TMEM117: variants seen among roughly 807,000 people sequenced by gnomAD.
The protein encoded by TMEM117 is transmembrane protein 117.
In TMEM117, 27 loss-of-function variants were observed where a neutral mutation model predicts 52.4. That is an observed-to-expected ratio of 0.51 (90% CI 0.38 to 0.71). The LOEUF (loss-of-function observed/expected upper bound fraction) is 0.71. Among genes scored for constraint, TMEM117 ranks in the 30% least tolerant of loss-of-function variants. The pLI, the probability that TMEM117 is intolerant of heterozygous loss-of-function variation, is 0.00. For missense variants in TMEM117, 556 were observed against 630.5 expected (o/e 0.88, Z 1.26); for synonymous variants, 215 against 206.3 (o/e 1.04, Z -0.36).
At chr12:44,297,106 C>G (rs1027129748) in intron 5 of TMEM117, among the ~76,000 whole-genome samples, 5 of 152,194 alleles carry the variant, frequency 3.3e-5, no homozygotes, top group Non-Finnish European at 5.9e-5. Context: ...TGCTATCTTG[C>G]TGACTCCTAG....
At chr12:43,806,189 C>G in the TMEM117 span, 2 of 1,539,428 alleles carry the variant, frequency 1.3e-6, no homozygotes, top group South Asian at 1.2e-5. Context: ...CCCGGAAGCC[C>G]CTTCCCTGCG....
At chr12:43,959,337 C>T (rs1353544418) in intron 3 of TMEM117, among the ~76,000 whole-genome samples, 1 of 152,058 alleles carries the variant, frequency 6.6e-6, no homozygotes, top group African/African-American at 2.4e-5. Context: ...TGAAAAGACT[C>T]TCTGGTTTGT....
intron 5 of TMEM117, among the ~76,000 whole-genome samples, chr12:44,234,338 C>A (rs916535991): frequency 1.3e-5 from 2 of 151,244 alleles, no homozygotes; most frequent in African/African-American, 4.8e-5. Context: ...ATGAATTATA[C>A]CTTTTTCAGC....
chr12:44,212,105 C>A (rs776128642), intron 5 of TMEM117, among the ~76,000 whole-genome samples: 1 of 152,176 alleles, frequency 6.6e-6, no homozygotes, highest in Non-Finnish European at 1.5e-5. Context: ...TCCCCCTTAT[C>A]TATGGTTTTG....
intron 3 of TMEM117, among the ~76,000 whole-genome samples, chr12:43,962,389 A>G (rs1365533742): frequency 6.6e-6 from 1 of 152,212 alleles, no homozygotes; most frequent in Non-Finnish European, 1.5e-5. Context: ...GACTTGAAAG[A>G]GCAAAATATT....
intron 2 of TMEM117, among the ~76,000 whole-genome samples, chr12:43,852,687 G>C (rs1013781524): frequency 1.3e-5 from 2 of 152,190 alleles, no homozygotes; most frequent in African/African-American, 4.8e-5. Context: ...AAGTGATAAG[G>C]GTTCAAGTTA....
At chr12:44,183,809 A>T (rs556034800) in intron 4 of TMEM117, among the ~76,000 whole-genome samples, 1 of 152,302 alleles carries the variant, frequency 6.6e-6, no homozygotes, top group Admixed American at 6.5e-5. Context: ...TTGATAGCTA[A>T]TAGCCCATTT....
the TMEM117 span, among the ~76,000 whole-genome samples, chr12:43,827,439 T>C: frequency 1.3e-5 from 2 of 152,170 alleles, no homozygotes; most frequent in Non-Finnish European, 2.9e-5. Context: ...TAACATGCAA[T>C]ACTTTGGCAT....
chr12:44,342,601 AC>A (rs1171635450), intron 6 of TMEM117, among the ~76,000 whole-genome samples: 1 of 151,848 alleles, frequency 6.6e-6, no homozygotes, highest in Non-Finnish European at 1.5e-5. Context: ...CAAAGGGTGA[AC>A]TGAGGAGAGG....
chr12:44,156,255 G>A (rs1948824286), intron 4 of TMEM117, among the ~76,000 whole-genome samples: 1 of 152,088 alleles, frequency 6.6e-6, no homozygotes, highest in South Asian at 2.1e-4. Context: ...TTTCTCATCA[G>A]GAAAGTGTGT....
intron 2 of TMEM117, among the ~76,000 whole-genome samples, chr12:43,887,066 C>A (rs1483598856): frequency 6.6e-6 from 1 of 152,142 alleles, no homozygotes; most frequent in Non-Finnish European, 1.5e-5. Context: ...TGAGGCTGGT[C>A]TCGAGCTCCT....
rs1434396408 is a variant in TMEM117, at chr12:44,354,891, T to G, written c.769-21704T>G. 2.6e-5 allele frequency among the ~76,000 whole-genome samples: 4 copies of G among 152,004 alleles called. No individual in the cohort carries two copies. The East Asian group carries it at 7.8e-4, about 29-fold the overall frequency. ...TAGTAGTGTTAAACTATAAAGACAT[T>G]AGTCACAGGAAGAAATTTTATATCT... On this transcript the variant is annotated intron_variant, in intron 6 of 7. Coordinates refer to ENST00000266534, the MANE Select transcript of TMEM117 (RefSeq NM_032256.3).
the TMEM117 span, chr12:43,805,678 C>T: frequency 1.3e-6 from 1 of 761,402 alleles, no homozygotes; most frequent in South Asian, 1.4e-5. Context: ...CTCGAGATTT[C>T]TCAGAACATA....
chr12:44,330,008 AG>A (rs1361479914), intron 6 of TMEM117, among the ~76,000 whole-genome samples: 1 of 151,992 alleles, frequency 6.6e-6, no homozygotes, highest in East Asian at 1.9e-4. Context: ...TCCTACTTTC[AG>A]GGGTTTTTTT....
chr12:44,183,063 T>TA (rs1432414715), intron 4 of TMEM117, among the ~76,000 whole-genome samples: 4 of 152,182 alleles, frequency 2.6e-5, no homozygotes, highest in African/African-American at 9.6e-5. Context: ...CAGAGGCATA[T>TA]ATGTAAAATC....
At chr12:44,329,448 C>T (rs1245412940) in intron 6 of TMEM117, among the ~76,000 whole-genome samples, 1 of 152,102 alleles carries the variant, frequency 6.6e-6, no homozygotes, top group Non-Finnish European at 1.5e-5. Context: ...CTGTAATTCC[C>T]AGCTGTCTGT....
rs546463539 is a variant in TMEM117, at chr12:44,262,118, G to T, written c.609-37462G>T. Among the ~76,000 whole-genome samples the T allele has an allele frequency of 2.2e-4, 33 of 152,244 alleles. No individual in the cohort carries two copies. In the East Asian group the frequency reaches 5.8e-3, roughly 27 times the overall value. ...CTTTCCTGAATATTTTATGCAAAAA[G>T]TAAGTCCTGCCTTTAAAATAAGGAG... On this transcript the variant is annotated intron_variant, in intron 5 of 7. Coordinates refer to ENST00000266534, the MANE Select transcript of TMEM117 (RefSeq NM_032256.3).
intron 4 of TMEM117, among the ~76,000 whole-genome samples, chr12:44,174,818 G>A (rs539725601): frequency 6.6e-6 from 1 of 152,234 alleles, no homozygotes; most frequent in South Asian, 2.1e-4. Flanking sequence ...AGAAAATCCT[G>A]ACTTAAAAGA....
At chr12:44,363,130 G>A (rs574174994) in intron 6 of TMEM117, among the ~76,000 whole-genome samples, 2 of 152,260 alleles carry the variant, frequency 1.3e-5, no homozygotes, top group East Asian at 3.9e-4. Flanking sequence ...ACACTCATGG[G>A]ACTGGACAGA....
Sources: allele counts gnomAD v4.1 joint callset (sites outside exome capture counted in the v4.1 genomes callset), GRCh38; gene constraint gnomAD v4.1.1; transcripts MANE v1.5; gene names NCBI Gene and HGNC (gene_info 2026-07-23, HGNC 2026-07-21).